The following RAF1 variants were observed in gnomAD, a reference collection of about 807,000 sequenced individuals.
The protein encoded by RAF1 is RAF proto-oncogene serine/threonine-protein kinase.
A neutral mutation model predicts 81.1 loss-of-function variants in RAF1; 27 were observed. The ratio of observed to expected loss-of-function variants is 0.33; its 90% confidence interval spans 0.25 to 0.46. RAF1 has a LOEUF of 0.46. Among genes scored for constraint, RAF1 ranks in the 20% least tolerant of loss-of-function variants. The pLI is 1.00. For synonymous variants in RAF1, 298 were observed against 294.0 expected, an observed-to-expected ratio of 1.01 and a Z score of -0.14; for missense variants, 598 against 826.0, an observed-to-expected ratio of 0.72 and a Z score of 3.38.
At chr3:12,594,614 C>T (rs369983316) in intron 11 of RAF1, among the ~76,000 whole-genome samples, 1 of 152,194 alleles carries the variant, frequency 6.6e-6, no homozygotes, top group Non-Finnish European at 1.5e-5. Context: ...TGGCAGTTTC[C>T]ACACACGTTA....
intron 1 of RAF1, among the ~76,000 whole-genome samples, chr3:12,663,561 C>T (rs1482199230): frequency 6.6e-6 from 1 of 152,236 alleles, no homozygotes; most frequent in African/African-American, 2.4e-5. Flanking sequence ...ATAAGGGTGG[C>T]GTTGGCACGT....
intron 8 of RAF1, among the ~76,000 whole-genome samples, chr3:12,600,813 C>A (rs1001174948): frequency 3.3e-5 from 5 of 152,220 alleles, no homozygotes; most frequent in African/African-American, 1.2e-4. Flanking sequence ...CCTCTCGCCT[C>A]GGCCTCCCAA....
At chr3:12,641,947 A>T (rs9864781) in intron 1 of RAF1, among the ~76,000 whole-genome samples, 16,657 of 150,846 alleles carry the variant, frequency 0.11, 975 homozygotes, top group African/African-American at 0.12. Flanking sequence ...GGAGTTCGAG[A>T]CCAGCTGGGC....
At chr3:12,659,625 T>G (rs1287893016) in intron 1 of RAF1, among the ~76,000 whole-genome samples, 1 of 140,332 alleles carries the variant, frequency 7.1e-6, no homozygotes, top group Non-Finnish European at 1.5e-5. Context: ...ATTAATTTAT[T>G]CAAGGTAAGT....
chr3:12,598,746 AAAAAAAAC>A (rs1367887775), intron 11 of RAF1, among the ~76,000 whole-genome samples: 12 of 142,198 alleles, frequency 8.4e-5, no homozygotes, highest in African/African-American at 8.0e-5. Flanking sequence ...AAAAAAAAAA[AAAAAAAAC>A]CACCAAGTAC....
intron 2 of RAF1, among the ~76,000 whole-genome samples, chr3:12,613,436 G>A (rs3773354): frequency 0.64 from 80,621 of 125,480 alleles, 22,861 homozygotes; most frequent in East Asian, 0.9. Context: ...CCCACACCCC[G>A]CCCCCAGAAG....
At chr3:12,617,022 C>T (rs1432953186) in intron 2 of RAF1, among the ~76,000 whole-genome samples, 1 of 152,182 alleles carries the variant, frequency 6.6e-6, no homozygotes, top group East Asian at 1.9e-4. Flanking sequence ...GCAACCTTTG[C>T]CTCCTGGGCT....
At chr3:12,628,767 C>T (rs988182073) in intron 1 of RAF1, among the ~76,000 whole-genome samples, 2 of 92,300 alleles carry the variant, frequency 2.2e-5, no homozygotes, top group African/African-American at 3.7e-5. Flanking sequence ...GGGGGGGTGG[C>T]GGGGCACATG....
chr3:12,612,123 G>C, intron 2 of RAF1, 61 bp from the exon 3 acceptor site: 1 of 1,334,482 alleles, frequency 7.5e-7, no homozygotes, highest in Non-Finnish European at 1.1e-6. Flanking sequence ...GGAAAGGTGG[G>C]CACAGAAATA....
chr3:12,585,816 G>T lies in RAF1; in HGVS notation c.1478-17C>A, dbSNP rs1559400798. On this transcript the variant is annotated splice_polypyrimidine_tract_variant and intron_variant, in intron 14 of 17. Transcript: ENST00000442415. ...GAAATATATCTCAATGCTTGTTAAG[G>T]ACTCTGGTTTCAAAAGAATGGTCAG... The T allele has an allele frequency of 1.3e-6, 2 of 1,557,292 alleles. No homozygotes were observed. The highest frequency in any genetic ancestry group is 1.8e-6 in the Non-Finnish European group (2 of 1,128,498).
chr3:12,613,422 C>CCCCCCACACCCCGCCATCA (rs1559440594), intron 2 of RAF1, among the ~76,000 whole-genome samples: 3 of 143,640 alleles, frequency 2.1e-5, no homozygotes, highest in Non-Finnish European at 3.0e-5. Context: ...CCCCGCCATC[C>CCCCCCACACCCCGCCATCA]CCCCCCACAC....
chr3:12,607,037 A>G (rs1041019962), intron 5 of RAF1, among the ~76,000 whole-genome samples: 4 of 152,202 alleles, frequency 2.6e-5, no homozygotes, highest in African/African-American at 9.7e-5. Flanking sequence ...AGCTATATCA[A>G]AATAATATTT....
intron 1 of RAF1, among the ~76,000 whole-genome samples, chr3:12,632,324 CAAAAAA>C (rs34396520): frequency 1.6e-5 from 2 of 123,432 alleles, no homozygotes; most frequent in African/African-American, 6.1e-5. Context: ...AACTCCGTCT[CAAAAAA>C]AAAAAAAAAA....
At position 12,606,243 on chromosome 3, in the gene RAF1, G is replaced by C. The variant is rs766525702; in HGVS notation, c.638C>G (p.Thr213Ser). 6.2e-6 allele frequency: 10 copies of C among 1,614,060 alleles called. No individual in the cohort carries two copies. In the East Asian group the frequency reaches 1.8e-4, roughly 29 times the overall value. The change falls in exon 6 of 18, where the codon ACT (threonine) becomes AGT (serine). Residue 213 changes from threonine to serine, a missense_variant. By Grantham distance (58) the Thr-to-Ser change is moderately conservative. Coordinates refer to ENST00000442415, the MANE Select transcript of RAF1 (RefSeq NM_001354689.3). ...AACAGACTCTCGCATACGACGCATA[G>C]TCAAAGAAGGTAGTGCTGGGACTCC...
intron 7 of RAF1, chr3:12,603,669 A>C (rs1018145614): frequency 1.8e-6 from 1 of 545,650 alleles, no homozygotes; most frequent in Non-Finnish European, 3.2e-6. Context: ...CAAGAGAAGA[A>C]AAAGCAGTTC....
At chr3:12,608,276 C>A (rs1220020845) in intron 5 of RAF1, among the ~76,000 whole-genome samples, 4 of 152,130 alleles carry the variant, frequency 2.6e-5, no homozygotes, top group Non-Finnish European at 1.5e-5. Context: ...AAACAAGAAT[C>A]TTTCAAGATT....
intron 15 of RAF1, 71 bp from the exon 15 acceptor site, chr3:12,585,324 A>AG: frequency 6.2e-7 from 1 of 1,604,138 alleles, no homozygotes; most frequent in Non-Finnish European, 8.5e-7. Context: ...TCTAGGGGCC[A>AG]GGCTGTCCCT....
chr3:12,597,055 C>T (rs2058709418), intron 11 of RAF1, among the ~76,000 whole-genome samples: 1 of 152,038 alleles, frequency 6.6e-6, no homozygotes, highest in East Asian at 1.9e-4. Context: ...CCCACCCCCA[C>T]GCCCGGCTAA....
rs578132808 is a variant in RAF1 at position 12,644,752 on chromosome 3, C to A, written c.-27+19061G>T. 1.8e-4 allele frequency among the ~76,000 whole-genome samples: 27 copies of A among 152,232 alleles called. 1 individual carries two copies. The Middle Eastern group carries it at 0.014, about 77-fold the overall frequency. ...TAGCAAATCAATCATTATAATCAGG[C>A]ACTTTGAAAAACCTCATTTTTGAGT... On this transcript the variant is annotated intron_variant, in intron 1 of 17. Transcript: ENST00000442415.
Sources: allele counts gnomAD v4.1 joint callset (sites outside exome capture counted in the v4.1 genomes callset), GRCh38; gene constraint gnomAD v4.1.1; transcripts MANE v1.5; gene names NCBI Gene and HGNC (gene_info 2026-07-23, HGNC 2026-07-21).